Variants in LTBP1 observed in about 807,000 individuals in gnomAD.
LTBP1 encodes latent transforming growth factor beta binding protein 1, also known as latent-transforming growth factor beta-binding protein 1.
LTBP1 carries 129 observed loss-of-function variants against 207.6 expected under a neutral mutation model. That is an observed-to-expected ratio of 0.62 (90% CI 0.54 to 0.72). The LOEUF (loss-of-function observed/expected upper bound fraction) is 0.72. LTBP1 is among the 30% of genes least tolerant of loss of function. LTBP1 has a pLI of 0.00. For missense variants in LTBP1, 2,281 were observed against 2,217.2 expected, an observed-to-expected ratio of 1.03 and a Z score of -0.58; for synonymous variants, 963 against 833.7, an observed-to-expected ratio of 1.16 and a Z score of -2.67.
At chr2:33,147,666 C>T (rs910199561) in intron 5 of LTBP1, among the ~76,000 whole-genome samples, 4 of 152,164 alleles carry the variant, frequency 2.6e-5, no homozygotes, top group African/African-American at 4.8e-5. Context: ...CCTCATTCTG[C>T]GAGGCAGCGT....
At chr2:33,012,352 A>G (rs1423300745) in intron 2 of LTBP1, among the ~76,000 whole-genome samples, 2 of 152,182 alleles carry the variant, frequency 1.3e-5, no homozygotes, top group African/African-American at 2.4e-5. Context: ...TCATCAGTAG[A>G]TGAGCTTGGG....
intron 7 of LTBP1, among the ~76,000 whole-genome samples, chr2:33,196,768 A>G (rs1290978395): frequency 6.6e-6 from 1 of 152,266 alleles, no homozygotes; most frequent in African/African-American, 2.4e-5. Context: ...AAGCAGCCTC[A>G]TCCTTGATTA....
chr2:33,356,402 G>A (rs963732425), intron 26 of LTBP1, among the ~76,000 whole-genome samples: 7 of 152,150 alleles, frequency 4.6e-5, no homozygotes, highest in East Asian at 1.9e-4. Context: ...AATGTCTGCC[G>A]GGCGAGGTGA....
chr2:33,301,645 G>A lies in LTBP1; in HGVS notation c.3481+1G>A. On this transcript the variant is annotated splice_donor_variant, in intron 22 of 33. Transcript: ENST00000404816. LOFTEE classifies it high-confidence loss of function. ...TCTGGGCTTGGAGACCACTGTGAAGGTAAGAATTGCTCCTGATTTCAGAAT... is the reference window on the plus strand; with the variant it reads ...TCTGGGCTTGGAGACCACTGTGAAGATAAGAATTGCTCCTGATTTCAGAAT... 6.3e-7 allele frequency: 1 copy of A among 1,585,610 alleles called. No homozygotes were observed. Among genetic ancestry groups the A allele is most frequent in the Non-Finnish European group, 8.5e-7 (1 of 1,170,000 alleles).
At chr2:33,074,624 C>G (rs955399260) in intron 3 of LTBP1, among the ~76,000 whole-genome samples, 1 of 152,144 alleles carries the variant, frequency 6.6e-6, no homozygotes, top group African/African-American at 2.4e-5. Flanking sequence ...AATTCCAGCA[C>G]TTTGGGAAGG....
chr2:33,288,215 G>A (rs1411883435), intron 19 of LTBP1, among the ~76,000 whole-genome samples: 2 of 152,126 alleles, frequency 1.3e-5, no homozygotes, highest in East Asian at 1.9e-4. Flanking sequence ...TTACTGCTCC[G>A]GGACAAATTC....
At chr2:33,071,512 A>C (rs2123915) in intron 3 of LTBP1, among the ~76,000 whole-genome samples, 9,297 of 152,174 alleles carry the variant, frequency 0.061, 667 homozygotes, top group East Asian at 0.34. Flanking sequence ...CTTGCACAGC[A>C]TCTAGGAGGT....
chr2:33,150,710 C>CTTTTT (rs1176008947), intron 5 of LTBP1, among the ~76,000 whole-genome samples: 54 of 69,310 alleles, frequency 7.8e-4, no homozygotes, highest in Admixed American at 1.0e-3. Flanking sequence ...TTTTCTTTTT[C>CTTTTT]TTTTTTTTTT....
rs1017813657 is a variant in LTBP1, at chr2:33,169,314, T to G, written c.1202-17542T>G. Among the ~76,000 whole-genome samples, 19 of 152,372 alleles carry G rather than the reference T, an allele frequency of 1.2e-4. 2 individuals are homozygous for G. Among genetic ancestry groups the G allele is most frequent in the Admixed American group, 1.2e-3 (18 of 15,310 alleles). On this transcript the variant is annotated intron_variant, in intron 5 of 33. Transcript: ENST00000404816. ...CACCCGAAACTGCCACATTATATTTTTCTTTTCCAGCACATTATGTCTCTC... is the reference window on the plus strand; with the variant it reads ...CACCCGAAACTGCCACATTATATTTGTCTTTTCCAGCACATTATGTCTCTC...
chr2:33,257,188 G>A (rs1049559416), intron 11 of LTBP1, 96 bp from the exon 12 acceptor site: 2 of 870,060 alleles, frequency 2.3e-6, no homozygotes, highest in Non-Finnish European at 3.6e-6. Flanking sequence ...CTACATTAGT[G>A]ATGATTTATT....
intron 2 of LTBP1, among the ~76,000 whole-genome samples, chr2:32,972,529 C>T (rs1356366272): frequency 1.3e-5 from 2 of 152,008 alleles, no homozygotes; most frequent in African/African-American, 4.8e-5. Flanking sequence ...TCATGTTTAT[C>T]CAGAAGTCAT....
At chr2:33,154,003 G>A (rs907534656) in intron 5 of LTBP1, among the ~76,000 whole-genome samples, 1 of 152,174 alleles carries the variant, frequency 6.6e-6, no homozygotes, top group African/African-American at 2.4e-5. Flanking sequence ...AGGCCACAGC[G>A]CTGTCAGGAG....
intron 2 of LTBP1, among the ~76,000 whole-genome samples, chr2:32,993,998 G>GTGTA (rs1477218703): frequency 5.9e-4 from 89 of 151,962 alleles, no homozygotes; most frequent in African/African-American, 2.1e-3. Flanking sequence ...GTGTGTGTGT[G>GTGTA]TGTGTGTGTG....
intron 18 of LTBP1, 82 bp from the exon 19 acceptor site, chr2:33,279,957 C>T: frequency 2.1e-6 from 3 of 1,463,252 alleles, no homozygotes; most frequent in Non-Finnish European, 1.9e-6. Context: ...AACATGCTTT[C>T]CCCCGCTGCC....
intron 3 of LTBP1, among the ~76,000 whole-genome samples, chr2:33,062,263 G>A (rs1034849599): frequency 2.0e-5 from 3 of 151,570 alleles, no homozygotes; most frequent in East Asian, 1.9e-4. Flanking sequence ...TCCTCTTACT[G>A]TGTTAGTTTT....
intron 15 of LTBP1, among the ~76,000 whole-genome samples, chr2:33,273,172 T>G (rs1195869069): frequency 6.6e-6 from 1 of 152,088 alleles, no homozygotes; most frequent in East Asian, 1.9e-4. Flanking sequence ...TAATGATAAA[T>G]TTTGGAGGAG....
chr2:33,264,226 A>C (rs1268651407), intron 15 of LTBP1, among the ~76,000 whole-genome samples: 1 of 148,298 alleles, frequency 6.7e-6, no homozygotes, highest in Non-Finnish European at 1.5e-5. Context: ...ACTGCACTCC[A>C]GCCTGGGGGA....
chr2:33,377,885 A>G (rs1363740060), intron 31 of LTBP1, among the ~76,000 whole-genome samples: 1 of 152,140 alleles, frequency 6.6e-6, no homozygotes, highest in Non-Finnish European at 1.5e-5. Flanking sequence ...ACTTGAAACC[A>G]TCAACTCTCC....
intron 2 of LTBP1, among the ~76,000 whole-genome samples, chr2:32,996,080 T>A (rs1558490258): frequency 6.6e-6 from 1 of 152,202 alleles, no homozygotes; most frequent in African/African-American, 2.4e-5. Context: ...TATGGCCTTG[T>A]CTTTGTTTTC....
Sources: gnomAD v4.1 joint callset for allele counts (sites outside exome capture counted in the v4.1 genomes callset) on GRCh38, gnomAD v4.1.1 for gene constraint, MANE v1.5 for transcripts, NCBI Gene and HGNC (gene_info 2026-07-23, HGNC 2026-07-21) for gene names.